Variants in DYRK1A observed in about 807,000 individuals in gnomAD.
The protein encoded by DYRK1A is dual specificity tyrosine phosphorylation regulated kinase 1A.
DYRK1A carries 9 observed loss-of-function variants against 79.7 expected under a neutral mutation model. That is an observed-to-expected ratio of 0.11 (90% CI 0.07 to 0.20). The LOEUF (loss-of-function observed/expected upper bound fraction) is 0.20. DYRK1A is among the 10% of genes least tolerant of loss of function. The pLI, the probability that DYRK1A is intolerant of heterozygous loss-of-function variation, is 1.00. For missense variants in DYRK1A, 622 were observed against 956.0 expected (o/e 0.65, Z 4.61); for synonymous variants, 349 against 329.7 (o/e 1.06, Z -0.63).
chr21:37,464,142 G>A (rs1413389331), intron 2 of DYRK1A: 5 of 251,138 alleles, frequency 2.0e-5, no homozygotes, highest in Non-Finnish European at 3.2e-5. Flanking sequence ...TTACTTTTTT[G>A]TTTTTAAACT....
intron 8 of DYRK1A, 124 bp from the exon 9 acceptor site, chr21:37,495,994 G>T: frequency 1.2e-6 from 1 of 854,208 alleles, no homozygotes; most frequent in African/African-American, 1.7e-5. Flanking sequence ...ACTGTATGCT[G>T]GATGTCTAGA....
chr21:37,454,777 T>C (rs2051579875), intron 2 of DYRK1A, among the ~76,000 whole-genome samples: 1 of 152,200 alleles, frequency 6.6e-6, no homozygotes, highest in Non-Finnish European at 1.5e-5. Context: ...GATTATGTGC[T>C]GCGGAAAACC....
chr21:37,385,312 C>T (rs2049738635), intron 1 of DYRK1A, among the ~76,000 whole-genome samples: 1 of 152,132 alleles, frequency 6.6e-6, no homozygotes, highest in Non-Finnish European at 1.5e-5. Context: ...TCTTAGAAGG[C>T]TGTAAAGATG....
At chr21:37,371,389 G>C (rs2049426702) in intron 1 of DYRK1A, among the ~76,000 whole-genome samples, 1 of 152,202 alleles carries the variant, frequency 6.6e-6, no homozygotes, top group South Asian at 2.1e-4. Context: ...GCGTAAGCCA[G>C]CTAGGTATTT....
At chr21:37,422,490 G>A (rs1460095844) in intron 2 of DYRK1A, among the ~76,000 whole-genome samples, 1 of 152,102 alleles carries the variant, frequency 6.6e-6, no homozygotes, top group Non-Finnish European at 1.5e-5. Context: ...TCTGGGCCTT[G>A]TTTTTACCCT....
chr21:37,451,773 T>C (rs1431415658), intron 2 of DYRK1A, among the ~76,000 whole-genome samples: 1 of 152,140 alleles, frequency 6.6e-6, no homozygotes. Flanking sequence ...CATATCCTCA[T>C]GGTTAGGTGA....
intron 2 of DYRK1A, among the ~76,000 whole-genome samples, chr21:37,454,674 A>T (rs996409285): frequency 6.6e-6 from 1 of 152,212 alleles, no homozygotes; most frequent in Admixed American, 6.5e-5. Flanking sequence ...ATGTTAAAAA[A>T]TTTTATCTCA....
chr21:37,388,365 T>G (rs998800152), intron 1 of DYRK1A, among the ~76,000 whole-genome samples: 2 of 152,130 alleles, frequency 1.3e-5, no homozygotes, highest in Non-Finnish European at 2.9e-5. Flanking sequence ...ATTACAGGCA[T>G]GAGCCACCAG....
rs1486100719 is a variant in DYRK1A at position 37,514,548 on chromosome 21, T to G, written c.*2017T>G. 6.6e-6 allele frequency: 1 copy of G among 152,656 alleles called. No individual in the cohort carries two copies. The highest frequency in any genetic ancestry group is 1.5e-5 in the Non-Finnish European group (1 of 68,036). The allele number at this position is 152,656 out of a possible 1,614,324, so 9.5% of individuals were successfully genotyped here. On this transcript the variant is annotated 3_prime_UTR_variant, in exon 12 of 12. Transcript: ENST00000647188. ...ATTTTTTTTCTGAACAAAAGCAGGT[T>G]TTTATATGTAAACAGTGAGAAAAGA...
rs1954374205 is a variant in DYRK1A, at chr21:37,524,027, A to G, written c.*11496A>G. On this transcript the variant is annotated 3_prime_UTR_variant, in exon 12 of 12. Transcript: ENST00000647188. ...ACATTTTATTTTTTATTACCAATAT[A>G]TACAAGAAAAGTGGATTTCAAATAT... is the stretch of plus-strand genomic sequence containing the variant. 6.6e-6 allele frequency: 1 copy of G among 152,208 alleles called. No homozygotes were observed. The highest frequency in any genetic ancestry group is 6.5e-5 in the Admixed American group (1 of 15,280). The allele number at this position is 152,208 out of a possible 1,614,324, so 9.4% of individuals were successfully genotyped here.
At chr21:37,463,794 G>C (rs925303691) in intron 2 of DYRK1A, among the ~76,000 whole-genome samples, 8 of 152,154 alleles carry the variant, frequency 5.3e-5, no homozygotes, top group Non-Finnish European at 1.0e-4. Context: ...GTGCCTTGTT[G>C]CTAGGGACCT....
intron 1 of DYRK1A, among the ~76,000 whole-genome samples, chr21:37,375,954 G>GC: frequency 6.6e-6 from 1 of 152,062 alleles, no homozygotes; most frequent in East Asian, 1.9e-4. Context: ...GGCCCGCCAA[G>GC]CCCCCCTCTT....
At chr21:37,423,552 T>A (rs2148434441) in intron 2 of DYRK1A, among the ~76,000 whole-genome samples, 1 of 152,288 alleles carries the variant, frequency 6.6e-6, no homozygotes, top group South Asian at 2.1e-4. Context: ...CCAGCATTTC[T>A]TCAGTTTATT....
chr21:37,398,587 T>C (rs577939221), intron 1 of DYRK1A, among the ~76,000 whole-genome samples: 1 of 152,334 alleles, frequency 6.6e-6, no homozygotes, highest in East Asian at 1.9e-4. Flanking sequence ...GATACTTTTG[T>C]TTTTACATAG....
intron 9 of DYRK1A, among the ~76,000 whole-genome samples, chr21:37,499,630 C>T (rs1028281578): frequency 2.0e-5 from 3 of 151,958 alleles, no homozygotes; most frequent in Non-Finnish European, 4.4e-5. Context: ...AGAAGTCTTA[C>T]ATATTTTGTT....
intron 1 of DYRK1A, among the ~76,000 whole-genome samples, chr21:37,413,547 C>T (rs1032280495): frequency 1.3e-5 from 2 of 152,106 alleles, no homozygotes; most frequent in African/African-American, 4.8e-5. Context: ...TTGCAGGTTA[C>T]TGATTGAACA....
At chr21:37,461,809 T>C (rs1442010097) in intron 2 of DYRK1A, among the ~76,000 whole-genome samples, 1 of 152,028 alleles carries the variant, frequency 6.6e-6, no homozygotes, top group African/African-American at 2.4e-5. Flanking sequence ...CATCATTGGT[T>C]TTCAGCAGTT....
At position 37,476,822 on chromosome 21, in the gene DYRK1A, C is replaced by CCA. The variant is rs1555978531; in HGVS notation, c.208-1385_208-1384insAC. On this transcript the variant is annotated intron_variant, in intron 3 of 11. Transcript: ENST00000647188. ...AATAGTATAATCACCAAGGGTTCCC[C>CCA]CCCCCCCCAACCTTATTTGGAATTA... 2.4e-4 allele frequency among the ~76,000 whole-genome samples: 8 copies of CCA among 33,304 alleles called. 1 individual carries two copies. Among genetic ancestry groups the CCA allele is most frequent in the Non-Finnish European group, 1.2e-4 (2 of 16,264 alleles). 21.8% of individuals were successfully genotyped at this position (33,304 alleles called of 152,430 possible).
chr21:37,497,463 C>G (rs1404556333), intron 9 of DYRK1A, among the ~76,000 whole-genome samples: 1 of 152,070 alleles, frequency 6.6e-6, no homozygotes. Context: ...GCTCATTAAT[C>G]GTGGCCCATT....
Sources: allele counts gnomAD v4.1 joint callset (sites outside exome capture counted in the v4.1 genomes callset), GRCh38; gene constraint gnomAD v4.1.1; transcripts MANE v1.5; gene names NCBI Gene and HGNC (gene_info 2026-07-23, HGNC 2026-07-21).